NEB: variants seen among roughly 807,000 people sequenced by gnomAD.
NEB encodes the protein nebulin.
Under a neutral mutation model 952.2 loss-of-function variants are expected in NEB, and 512 were observed. The ratio of observed to expected loss-of-function variants is 0.54; its 90% CI spans 0.50 to 0.58. NEB has a LOEUF of 0.58. Ranked by LOEUF, NEB falls within the 20% of genes least tolerant of loss-of-function variation. The pLI is 0.00. For synonymous variants in NEB, 2,900 were observed against 3,149.8 expected, an observed-to-expected ratio of 0.92 and a Z score of 2.66; for missense variants, 8,428 against 9,231.1, an observed-to-expected ratio of 0.91 and a Z score of 3.56.
At chr2:151,625,512 G>C (rs372787876) in intron 71 of NEB, 22 bp downstream of exon 71, 2 of 1,525,876 alleles carry the variant, frequency 1.3e-6, no homozygotes, top group African/African-American at 1.4e-5. Flanking sequence ...CCAGACCAAA[G>C]AAATAAAACA....
At position 151,725,568 on chromosome 2, in the gene NEB, G is replaced by A. The variant is rs767768026; in HGVS notation, c.295-8C>T. 55 of 1,606,898 alleles carry A rather than the reference G, an allele frequency of 3.4e-5. No individual in the cohort carries two copies. Among genetic ancestry groups the A allele is most frequent in the Admixed American group, 1.0e-4 (6 of 59,896 alleles). On this transcript the variant is annotated splice_region_variant and splice_polypyrimidine_tract_variant and intron_variant, in intron 5 of 181. Transcript: ENST00000397345. ...CTTCTCCTTGTATTTATTCTGAAAA[G>A]AATATCAGATATTAGCCTAACAAGA...
intron 124 of NEB, among the ~76,000 whole-genome samples, chr2:151,555,882 A>AC (rs2095619741): frequency 2.0e-5 from 3 of 151,586 alleles, no homozygotes; most frequent in African/African-American, 7.3e-5. Context: ...AAAAAAAAAA[A>AC]AAACACATAC....
chr2:151,655,303 T>C lies in NEB; in HGVS notation c.6774A>G (p.Leu2258=), dbSNP rs2154146091. 1.3e-6 allele frequency: 2 copies of C among 1,597,430 alleles called. No homozygotes were observed. The highest frequency in any genetic ancestry group is 1.7e-4 in the Middle Eastern group (1 of 6,018). ...IHVMPDTPDI[L]QAKQNQTLYS... is the part of the protein sequence containing the mutation. ...ACAGTGTTTGATTCTGCTTGGCTTG[T>C]AAAATATCTGGTGTATCAGGCATCA... The change falls in exon 51 of 182, where the codon TTA becomes TTG. Residue 2258 remains leucine, a synonymous_variant. Coordinates refer to ENST00000397345, the MANE Select transcript of NEB (RefSeq NM_001164508.2).
intron 135 of NEB, 35 bp downstream of exon 135, chr2:151,545,853 T>C: frequency 7.5e-7 from 1 of 1,333,118 alleles, no homozygotes; most frequent in Non-Finnish European, 1.1e-6. Flanking sequence ...ACTGGTCAAT[T>C]TGATTGACTT....
At chr2:151,498,988 C>T (rs943637563) in intron 169 of NEB, among the ~76,000 whole-genome samples, 1 of 151,808 alleles carries the variant, frequency 6.6e-6, no homozygotes, top group Non-Finnish European at 1.5e-5. Context: ...TTGCAAAATA[C>T]ATTTGTTTAA....
At position 151,619,424 on chromosome 2, in the gene NEB, T is replaced by G. The variant is rs10186656; in HGVS notation, c.10872+27A>C. The stretch of plus-strand genomic sequence containing the variant: ...ACACGTTTCAGATCCGCTTTTAACA[T>G]GCAGAGCTAACATCAAGGAAACTTA... On this transcript the variant is annotated intron_variant, in intron 73 of 181. Coordinates refer to ENST00000397345, the MANE Select transcript of NEB (RefSeq NM_001164508.2). 569,611 of 1,558,888 alleles carry G rather than the reference T, an allele frequency of 0.37. 107,726 individuals are homozygous for G. The highest frequency in any genetic ancestry group is 0.4 in the Non-Finnish European group (453,582 of 1,147,364).
In NEB at chr2:151,497,041, A is replaced by G. The variant is rs2060689117; in HGVS notation, c.24301-8T>C. ...GTTTTCTTTGTATAACACCTGTGCG[A>G]TAAGAAAGCAACCAGAAAAACAACC... On this transcript the variant is annotated splice_region_variant and splice_polypyrimidine_tract_variant and intron_variant, in intron 171 of 181. Transcript: ENST00000397345. 1.3e-6 allele frequency: 2 copies of G among 1,561,328 alleles called. No individual in the cohort carries two copies. The highest frequency in any genetic ancestry group is 1.4e-5 in the African/African-American group (1 of 73,592).
chr2:151,694,351 G>T lies in NEB; in HGVS notation c.1868C>A (p.Ser623Tyr), dbSNP rs367564407. 4 of 1,613,882 alleles carry T rather than the reference G, an allele frequency of 2.5e-6. No homozygotes were observed. The highest frequency in any genetic ancestry group is 3.4e-6 in the Non-Finnish European group (4 of 1,179,888). ...ACTCTGGTTTTTGGCCACCTTCAAGGAGTGCAGCATCTTGGGATCGTCATT... is the reference window on the plus strand; with the variant it reads ...ACTCTGGTTTTTGGCCACCTTCAAGTAGTGCAGCATCTTGGGATCGTCATT... ...SINDDPKMLH[S>Y]LKVAKNQSDR... is the part of the protein sequence containing the mutation. Residue 623 changes from serine to tyrosine, a missense_variant, in exon 20 of 182, where the codon TCC (serine) becomes TAC (tyrosine). By Grantham distance (144) the Ser-to-Tyr change is moderately radical. This residue lies in a region of NEB where 2,851 missense variants were observed against 2,791.5 expected (regional missense o/e 1.02). Coordinates refer to ENST00000397345, the MANE Select transcript of NEB (RefSeq NM_001164508.2).
At chr2:151,516,995 C>G (rs2078075578) in intron 156 of NEB, among the ~76,000 whole-genome samples, 1 of 152,102 alleles carries the variant, frequency 6.6e-6, no homozygotes, top group South Asian at 2.1e-4. Context: ...GAACTTTTAT[C>G]AGAGACCTGG....
chr2:151,683,585 A>G lies in NEB; in HGVS notation c.2836-816T>C, dbSNP rs1280502603. ...AAATCAAACTAATAACAAGTAGAATAACAATGTATAATATAGAATTGTTAG... is the reference window on the plus strand; with the variant it reads ...AAATCAAACTAATAACAAGTAGAATGACAATGTATAATATAGAATTGTTAG... On this transcript the variant is annotated intron_variant, in intron 28 of 181. Coordinates refer to ENST00000397345, the MANE Select transcript of NEB (RefSeq NM_001164508.2). Among the ~76,000 whole-genome samples, 5 of 152,350 alleles carry G rather than the reference A, an allele frequency of 3.3e-5. No homozygotes were observed. In the East Asian group the frequency reaches 9.6e-4, roughly 29 times the overall value.
chr2:151,521,130 T>TC (rs2081670764), intron 153 of NEB, among the ~76,000 whole-genome samples: 1 of 152,154 alleles, frequency 6.6e-6, no homozygotes, highest in Non-Finnish European at 1.5e-5. Flanking sequence ...CTAACACCAG[T>TC]ACCCCTCATG....
At chr2:151,534,108 A>T in intron 142 of NEB, 2 of 832,386 alleles carry the variant, frequency 2.4e-6, no homozygotes, top group Non-Finnish European at 3.9e-6. Flanking sequence ...GAACAACCCA[A>T]TATCATAGGC....
chr2:151,540,356 C>A lies in NEB; in HGVS notation c.20880G>T (p.Trp6960Cys). 6.3e-7 allele frequency: 1 copy of A among 1,576,844 alleles called. No individual in the cohort carries two copies. The highest frequency in any genetic ancestry group is 8.6e-7 in the Non-Finnish European group (1 of 1,158,594). ...PILIRAKRAY[W>C]NASDLRYKET... ...AAGGGATGCATACATCACTGGCATT[C>A]CAGTAAGCCCTCTTGGCTCTGATGA... Residue 6960 changes from tryptophan to cysteine, a missense_variant, in exon 138 of 182, where the codon TGG becomes TGT. This residue lies in a region of NEB where 3,374 missense variants were observed against 3,651.5 expected (regional missense o/e 0.92). Coordinates refer to ENST00000397345, the MANE Select transcript of NEB (RefSeq NM_001164508.2).
intron 54 of NEB, among the ~76,000 whole-genome samples, chr2:151,648,967 T>C (rs1399549864): frequency 1.3e-5 from 2 of 152,152 alleles, no homozygotes; most frequent in Non-Finnish European, 2.9e-5. Context: ...TGTTTCAGCA[T>C]TCCCCAAACT....
At chr2:151,682,624 A>C in intron 29 of NEB, 38 bp downstream of exon 29, 1 of 1,496,202 alleles carries the variant, frequency 6.7e-7, no homozygotes, top group Non-Finnish European at 9.3e-7. Context: ...AACACAACAC[A>C]GTCACCACTC....
intron 13 of NEB, among the ~76,000 whole-genome samples, chr2:151,704,463 C>T (rs1382857806): frequency 2.3e-4 from 34 of 145,514 alleles, no homozygotes; most frequent in East Asian, 4.0e-4. Flanking sequence ...CCCAGCCTCG[C>T]TGCCGCCTTG....
intron 163 of NEB, 101 bp from the exon 164 acceptor site, chr2:151,506,359 C>A (rs926178922): frequency 2.4e-4 from 210 of 865,160 alleles, no homozygotes; most frequent in Middle Eastern, 6.8e-4. Context: ...AAACAAGACA[C>A]TAGACGATGT....
At chr2:151,605,017 T>G (rs1383597178) in intron 84 of NEB, 146 bp from the exon 85 acceptor site, 1 of 988,496 alleles carries the variant, frequency 1.0e-6, no homozygotes. Context: ...TCAGTTCACT[T>G]TAAAGAAATT....
At position 151,710,507 on chromosome 2, in the gene NEB, A is replaced by G. The variant is rs2150051062; in HGVS notation, c.854T>C (p.Ile285Thr). 8 of 1,609,262 alleles carry G rather than the reference A, an allele frequency of 5.0e-6. No homozygotes were observed. Among genetic ancestry groups the G allele is most frequent in the Non-Finnish European group, 6.8e-6 (8 of 1,176,904 alleles). ...QKYKEDYENK[I>T]KGKWSETPCF... Reference sequence around the variant, plus strand: ...AGGTGTCTCACTCCATTTGCCTTTGATTTTATTTTCATAGTCTTCTTTGTA... The same window carrying G: ...AGGTGTCTCACTCCATTTGCCTTTGGTTTTATTTTCATAGTCTTCTTTGTA... The change falls in exon 11 of 182, where the codon ATC (isoleucine) becomes ACC (threonine). Residue 285 changes from isoleucine to threonine, a missense_variant. Ile to Thr is a moderately conservative substitution (Grantham distance 89, BLOSUM62 -1). Coordinates refer to ENST00000397345, the MANE Select transcript of NEB (RefSeq NM_001164508.2).
Sources: allele counts gnomAD v4.1 joint callset (sites outside exome capture counted in the v4.1 genomes callset), GRCh38; gene constraint gnomAD v4.1.1; regional missense constraint gnomAD v4.1.1; transcripts MANE v1.5; gene names NCBI Gene and HGNC (gene_info 2026-07-23, HGNC 2026-07-21).